The following RIT2 variants were observed in gnomAD, a reference collection of about 807,000 sequenced individuals.
RIT2 encodes the protein GTP-binding protein Rit2.
In RIT2, 24 loss-of-function variants were observed where a neutral mutation model predicts 23.7. The observed-to-expected ratio is 1.01, with a 90% confidence interval of 0.73 to 1.43. The LOEUF (loss-of-function observed/expected upper bound fraction) is 1.43. Ranked by LOEUF, RIT2 falls within the 40% of genes most tolerant of loss-of-function variation. The pLI is 0.00. For synonymous variants in RIT2, 107 were observed against 91.1 expected (o/e 1.17, Z -0.99); for missense variants, 236 against 266.9 (o/e 0.88, Z 0.81).
chr18:42,905,902 T>C (rs1209586785), intron 4 of RIT2, among the ~76,000 whole-genome samples: 1 of 145,204 alleles, frequency 6.9e-6, no homozygotes, highest in African/African-American at 2.6e-5. Context: ...GGATAAAGGC[T>C]AAGGAGGAAA....
At chr18:42,824,556 T>C (rs979718165) in intron 4 of RIT2, among the ~76,000 whole-genome samples, 2 of 152,070 alleles carry the variant, frequency 1.3e-5, no homozygotes, top group South Asian at 4.1e-4. Context: ...AATCTAAGTA[T>C]TAAGCTGAAG....
intron 3 of RIT2, among the ~76,000 whole-genome samples, chr18:42,942,110 A>C (rs540326216): frequency 2.0e-5 from 3 of 152,240 alleles, no homozygotes; most frequent in African/African-American, 7.2e-5. Context: ...AAGTAAAAAA[A>C]AAAAACAGTG....
At chr18:42,747,426 C>T (rs1912943946) in intron 4 of RIT2, among the ~76,000 whole-genome samples, 1 of 152,012 alleles carries the variant, frequency 6.6e-6, no homozygotes, top group Admixed American at 6.6e-5. Flanking sequence ...AAAACACATC[C>T]CATGCTCGTG....
At chr18:42,827,422 C>T (rs190084192) in intron 4 of RIT2, among the ~76,000 whole-genome samples, 23 of 151,972 alleles carry the variant, frequency 1.5e-4, no homozygotes, top group Non-Finnish European at 2.6e-4. Flanking sequence ...AAATCAGGCT[C>T]AAAAGGCAAA....
chr18:43,078,951 C>T (rs1364641705), intron 1 of RIT2, among the ~76,000 whole-genome samples: 1 of 152,162 alleles, frequency 6.6e-6, no homozygotes, highest in Non-Finnish European at 1.5e-5. Flanking sequence ...ACTGCAGGAT[C>T]CACACCGTAA....
chr18:42,896,299 C>T (rs914756878), intron 4 of RIT2, among the ~76,000 whole-genome samples: 5 of 152,214 alleles, frequency 3.3e-5, no homozygotes, highest in Non-Finnish European at 7.3e-5. Flanking sequence ...TCCTCTCTCT[C>T]ACTTGTGAGA....
At chr18:42,795,425 T>C (rs988936140) in intron 4 of RIT2, among the ~76,000 whole-genome samples, 1 of 152,226 alleles carries the variant, frequency 6.6e-6, no homozygotes, top group African/African-American at 2.4e-5. Flanking sequence ...GCCAGCCCAC[T>C]GGCGCTGCTC....
At chr18:42,848,507 T>C (rs921527212) in intron 4 of RIT2, among the ~76,000 whole-genome samples, 1 of 152,338 alleles carries the variant, frequency 6.6e-6, no homozygotes, top group Admixed American at 6.5e-5. Flanking sequence ...ACAACACTTA[T>C]TCTGTGGCAA....
At chr18:42,881,914 C>A (rs111877162) in intron 4 of RIT2, among the ~76,000 whole-genome samples, 1 of 152,174 alleles carries the variant, frequency 6.6e-6, no homozygotes, top group East Asian at 1.9e-4. Flanking sequence ...TTTTACTTGT[C>A]ATCTCAGGCA....
At chr18:42,803,641 T>G (rs1905600216) in intron 4 of RIT2, among the ~76,000 whole-genome samples, 1 of 152,196 alleles carries the variant, frequency 6.6e-6, no homozygotes. Flanking sequence ...CAACTCCACC[T>G]AATTTAAGCA....
chr18:42,892,275 C>T (rs565742081), intron 4 of RIT2, among the ~76,000 whole-genome samples: 12 of 152,168 alleles, frequency 7.9e-5, no homozygotes, highest in African/African-American at 2.9e-4. Flanking sequence ...ATGTGTAGGC[C>T]CCATTTTTCC....
chr18:43,100,192 A>G (rs1174134133), intron 1 of RIT2, among the ~76,000 whole-genome samples: 4 of 152,116 alleles, frequency 2.6e-5, no homozygotes, highest in Non-Finnish European at 5.9e-5. Context: ...TGGTGCGGAC[A>G]GGTCCATTGA....
rs530430511 is a variant in RIT2 at position 42,912,704 on chromosome 18, T to C, written c.426+10868A>G. Reference sequence around the variant, plus strand: ...TTCCATTACTCCTAAGAAAATTACATAGGTATGAATCTAACAGCTACAGTT... The same window carrying C: ...TTCCATTACTCCTAAGAAAATTACACAGGTATGAATCTAACAGCTACAGTT... On this transcript the variant is annotated intron_variant, in intron 4 of 4. Transcript: ENST00000326695. Among the ~76,000 whole-genome samples, 5 of 151,994 alleles carry C rather than the reference T, an allele frequency of 3.3e-5. No individual in the cohort carries two copies. The South Asian group carries it at 6.2e-4, about 19-fold the overall frequency.
At chr18:42,939,585 T>C (rs1909543985) in intron 3 of RIT2, among the ~76,000 whole-genome samples, 1 of 152,138 alleles carries the variant, frequency 6.6e-6, no homozygotes, top group Non-Finnish European at 1.5e-5. Context: ...TAATGCTTAA[T>C]CTGGTATTAC....
At chr18:43,090,269 A>G (rs545205196) in intron 1 of RIT2, among the ~76,000 whole-genome samples, 1 of 152,328 alleles carries the variant, frequency 6.6e-6, no homozygotes, top group South Asian at 2.1e-4. Flanking sequence ...CATATAAACA[A>G]AAGCTCAACA....
chr18:42,853,683 C>T (rs964314219), intron 4 of RIT2, among the ~76,000 whole-genome samples: 11 of 151,972 alleles, frequency 7.2e-5, no homozygotes, highest in Non-Finnish European at 5.9e-5. Flanking sequence ...AGGATTTGCC[C>T]TTTTAGATCT....
At chr18:43,016,583 A>G (rs1367193718) in intron 2 of RIT2, among the ~76,000 whole-genome samples, 1 of 151,786 alleles carries the variant, frequency 6.6e-6, no homozygotes, top group Non-Finnish European at 1.5e-5. Flanking sequence ...TGCCCCAGGT[A>G]AGTCATAAGC....
intron 4 of RIT2, among the ~76,000 whole-genome samples, chr18:42,809,133 G>A (rs1029803996): frequency 4.6e-5 from 7 of 152,030 alleles, no homozygotes; most frequent in African/African-American, 7.2e-5. Context: ...TATGAAATTC[G>A]AGAAATTATT....
At chr18:42,906,018 A>ATG (rs1908610056) in intron 4 of RIT2, among the ~76,000 whole-genome samples, 1 of 10,252 alleles carries the variant, frequency 9.8e-5, no homozygotes, top group Non-Finnish European at 1.8e-4. Flanking sequence ...ATATATATAT[A>ATG]TATGTATATA....
Sources: gnomAD v4.1 joint callset for allele counts (sites outside exome capture counted in the v4.1 genomes callset) on GRCh38, gnomAD v4.1.1 for gene constraint, MANE v1.5 for transcripts, NCBI Gene and HGNC (gene_info 2026-07-23, HGNC 2026-07-21) for gene names.